The following KLHL3 variants were observed in gnomAD, a reference collection of about 807,000 sequenced individuals.
The protein encoded by KLHL3 is kelch like family member 3, also known as kelch-like protein 3.
In KLHL3, 19 loss-of-function variants were observed where a neutral mutation model predicts 70.5. The ratio of observed to expected loss-of-function variants is 0.27; its 90% CI spans 0.19 to 0.40. The LOEUF (loss-of-function observed/expected upper bound fraction) is 0.40, where lower values mean the gene tolerates loss of function less well. Ranked by LOEUF, KLHL3 falls within the 10% of genes least tolerant of loss-of-function variation. KLHL3 has a pLI of 1.00. For missense variants in KLHL3, 512 were observed against 771.1 expected, an observed-to-expected ratio of 0.66 and a Z score of 3.98; for synonymous variants, 258 against 290.3, an observed-to-expected ratio of 0.89 and a Z score of 1.13.
At chr5:137,735,137 C>T (rs1040341701) in intron 1 of KLHL3, among the ~76,000 whole-genome samples, 17 of 152,302 alleles carry the variant, frequency 1.1e-4, no homozygotes, top group African/African-American at 3.8e-4. Flanking sequence ...ACGGCGTGCA[C>T]GCGCGCACAC....
At chr5:137,684,117 C>T (rs887848839) in intron 5 of KLHL3, among the ~76,000 whole-genome samples, 5 of 152,180 alleles carry the variant, frequency 3.3e-5, no homozygotes, top group Admixed American at 3.3e-4. Flanking sequence ...CACTCTGGCA[C>T]TGCCACTTAT....
At chr5:137,724,296 G>T (rs139155493) in intron 1 of KLHL3, among the ~76,000 whole-genome samples, 2 of 152,294 alleles carry the variant, frequency 1.3e-5, no homozygotes, top group East Asian at 3.9e-4. Flanking sequence ...CTAGTGAACA[G>T]ATATTATTAG....
chr5:137,651,076 G>A (rs565612569), intron 8 of KLHL3, among the ~76,000 whole-genome samples: 2 of 152,300 alleles, frequency 1.3e-5, no homozygotes, highest in South Asian at 2.1e-4. Context: ...ATGTGAAAAC[G>A]CAGGTATGAA....
rs2149872360 is a variant in KLHL3, at chr5:137,617,978, A to G, written c.*4120T>C. Reference sequence around the variant, plus strand: ...TGCCACAGTCCTGTGCATTCCTGCCATGGCTGATGCTATATCCATGAGTCA... The same window carrying G: ...TGCCACAGTCCTGTGCATTCCTGCCGTGGCTGATGCTATATCCATGAGTCA... On this transcript the variant is annotated 3_prime_UTR_variant, in exon 15 of 15. Coordinates refer to ENST00000309755, the MANE Select transcript of KLHL3 (RefSeq NM_017415.3). The G allele has an allele frequency of 6.5e-6, 1 of 152,736 alleles. No homozygotes were observed. The highest frequency in any genetic ancestry group is 1.9e-4 in the East Asian group (1 of 5,174). The allele number at this position is 152,736 out of a possible 1,614,324, so 9.5% of individuals were successfully genotyped here.
intron 6 of KLHL3, among the ~76,000 whole-genome samples, chr5:137,669,378 C>A (rs1751693770): frequency 1.3e-5 from 2 of 152,196 alleles, no homozygotes; most frequent in South Asian, 4.2e-4. Flanking sequence ...AGAAATATTT[C>A]TTAATAGGAT....
chr5:137,662,766 T>A (rs1751513606), intron 6 of KLHL3, among the ~76,000 whole-genome samples: 1 of 151,772 alleles, frequency 6.6e-6, no homozygotes. Flanking sequence ...CAGCAGTGTC[T>A]GTAAAAATTT....
At chr5:137,698,077 T>A (rs1417145159) in intron 4 of KLHL3, among the ~76,000 whole-genome samples, 2 of 152,202 alleles carry the variant, frequency 1.3e-5, no homozygotes, top group African/African-American at 4.8e-5. Flanking sequence ...GCTAAAAGCA[T>A]GGGTGCCCAA....
chr5:137,726,441 T>A (rs1753086085), intron 1 of KLHL3, among the ~76,000 whole-genome samples: 1 of 152,180 alleles, frequency 6.6e-6, no homozygotes, highest in African/African-American at 2.4e-5. Context: ...TATATTTCCC[T>A]TCTCTTTCCC....
rs749634284 is a variant in KLHL3 at position 137,638,934 on chromosome 5, G to A, written c.1219+19C>T. Reference sequence around the variant, plus strand: ...TGTGTCCCAGGCTAGGAGGGGTTGGGAACACACCCTAAACCTACCAGTACT... The same window carrying A: ...TGTGTCCCAGGCTAGGAGGGGTTGGAAACACACCCTAAACCTACCAGTACT... On this transcript the variant is annotated intron_variant, in intron 10 of 14. Transcript: ENST00000309755. The A allele has an allele frequency of 1.1e-5, 17 of 1,609,830 alleles. No homozygotes were observed. The highest frequency in any genetic ancestry group is 3.3e-4 in the Middle Eastern group (2 of 6,070).
In KLHL3 at chr5:137,712,934, A is replaced by T. The variant is rs113857778; in HGVS notation, c.135-3078T>A. On this transcript the variant is annotated intron_variant, in intron 2 of 14. Coordinates refer to ENST00000309755, the MANE Select transcript of KLHL3 (RefSeq NM_017415.3). ...TTTTCATATTTTGAAAAAAAATTTT[A>T]AAAAAATGGTTTTTTTTCAATTGTC... is the stretch of plus-strand genomic sequence containing the variant. 8.8e-4 allele frequency among the ~76,000 whole-genome samples: 134 copies of T among 152,228 alleles called. 3 individuals are homozygous for T. The highest frequency in any genetic ancestry group is 1.3e-3 in the African/African-American group (53 of 41,520).
At chr5:137,647,052 G>A (rs966548274) in intron 8 of KLHL3, among the ~76,000 whole-genome samples, 5 of 152,182 alleles carry the variant, frequency 3.3e-5, no homozygotes, top group South Asian at 2.1e-4. Context: ...CAGAATATGA[G>A]TGAGCTGAAC....
intron 8 of KLHL3, among the ~76,000 whole-genome samples, chr5:137,655,635 T>C (rs2149894518): frequency 6.6e-6 from 1 of 152,104 alleles, no homozygotes; most frequent in South Asian, 2.1e-4. Flanking sequence ...AAAAACATAT[T>C]TGAAATACAT....
chr5:137,690,551 C>T (rs976337923), intron 5 of KLHL3, among the ~76,000 whole-genome samples: 22 of 152,102 alleles, frequency 1.4e-4, no homozygotes, highest in Non-Finnish European at 1.6e-4. Flanking sequence ...CAGCAGGACT[C>T]AGAATTGAGG....
intron 6 of KLHL3, 68 bp from the exon 7 acceptor site, chr5:137,662,099 T>G: frequency 2.4e-6 from 1 of 424,910 alleles, no homozygotes; most frequent in Non-Finnish European, 4.1e-6. Flanking sequence ...CCTCAATCTG[T>G]AAAAAAAAAA....
chr5:137,687,943 T>G (rs1752227897), intron 5 of KLHL3, among the ~76,000 whole-genome samples: 1 of 36,548 alleles, frequency 2.7e-5, no homozygotes, highest in Admixed American at 3.0e-4. Context: ...AAGATGTGCT[T>G]TGTTAAACAG....
At chr5:137,735,458 C>T (rs751380276) in intron 1 of KLHL3, among the ~76,000 whole-genome samples, 175 bp downstream of exon 1, 10 of 152,188 alleles carry the variant, frequency 6.6e-5, no homozygotes, top group Admixed American at 2.0e-4. Flanking sequence ...AGCCCTGGAA[C>T]GGGTGATTTG....
At chr5:137,735,124 T>A (rs1753239490) in intron 1 of KLHL3, among the ~76,000 whole-genome samples, 2 of 152,184 alleles carry the variant, frequency 1.3e-5, no homozygotes, top group Admixed American at 1.3e-4. Context: ...TATACAGGCA[T>A]ACACGGCGTG....
intron 1 of KLHL3, among the ~76,000 whole-genome samples, chr5:137,731,132 GT>G (rs1355309779): frequency 6.6e-6 from 1 of 152,146 alleles, no homozygotes; most frequent in East Asian, 1.9e-4. Flanking sequence ...TGTTTTACCA[GT>G]TCAAAACTTA....
chr5:137,664,662 A>C (rs2149899555), intron 6 of KLHL3, among the ~76,000 whole-genome samples: 2 of 152,098 alleles, frequency 1.3e-5, no homozygotes, highest in African/African-American at 4.8e-5. Context: ...ACTACAAAAA[A>C]AAAAAATCAG....
Sources: allele counts gnomAD v4.1 joint callset (sites outside exome capture counted in the v4.1 genomes callset), GRCh38; gene constraint gnomAD v4.1.1; transcripts MANE v1.5; gene names NCBI Gene and HGNC (gene_info 2026-07-23, HGNC 2026-07-21).